The following SCFD2 variants were observed in gnomAD, a reference collection of about 807,000 sequenced individuals.
The protein encoded by SCFD2 is sec1 family domain-containing protein 2.
SCFD2 carries 54 observed loss-of-function variants against 58.9 expected under a neutral mutation model. That is an observed-to-expected ratio of 0.92 (90% CI 0.74 to 1.15). The LOEUF (loss-of-function observed/expected upper bound fraction) is 1.15, where lower values mean the gene tolerates loss of function less well. Among genes scored for constraint, SCFD2 ranks in the 50% most tolerant of loss-of-function variants. The pLI, the probability that SCFD2 is intolerant of heterozygous loss-of-function variation, is 0.00. For synonymous variants in SCFD2, 321 were observed against 335.9 expected, an observed-to-expected ratio of 0.96 and a Z score of 0.49; for missense variants, 805 against 836.6, an observed-to-expected ratio of 0.96 and a Z score of 0.47.
intron 5 of SCFD2, among the ~76,000 whole-genome samples, chr4:52,953,460 A>T (rs1316605487): frequency 2.0e-5 from 3 of 152,184 alleles, no homozygotes; most frequent in Non-Finnish European, 2.9e-5. Flanking sequence ...AGCTATGAAT[A>T]TTCCCGATCT....
At chr4:53,338,428 A>T (rs1733747344) in intron 2 of SCFD2, among the ~76,000 whole-genome samples, 1 of 152,146 alleles carries the variant, frequency 6.6e-6, no homozygotes, top group African/African-American at 2.4e-5. Context: ...CACACATTAC[A>T]GTTCAGCTTC....
At chr4:53,201,805 T>G (rs1360166008) in intron 4 of SCFD2, among the ~76,000 whole-genome samples, 1 of 152,366 alleles carries the variant, frequency 6.6e-6, no homozygotes, top group South Asian at 2.1e-4. Flanking sequence ...ATGTGTTTTT[T>G]GGCTACATAA....
At chr4:53,054,624 G>C (rs1386943277) in intron 5 of SCFD2, among the ~76,000 whole-genome samples, 1 of 149,436 alleles carries the variant, frequency 6.7e-6, no homozygotes, top group Non-Finnish European at 1.5e-5. Context: ...AAAATGATTA[G>C]CTTAGAAAAA....
At chr4:53,364,239 A>G (rs1438415044) in intron 1 of SCFD2, among the ~76,000 whole-genome samples, 1 of 152,146 alleles carries the variant, frequency 6.6e-6, no homozygotes, top group East Asian at 1.9e-4. Flanking sequence ...AAAAACTCAA[A>G]TATACCTATT....
chr4:53,319,174 G>C (rs777807671), intron 2 of SCFD2, among the ~76,000 whole-genome samples: 17 of 152,152 alleles, frequency 1.1e-4, no homozygotes, highest in Non-Finnish European at 2.4e-4. Flanking sequence ...GGACAGGATG[G>C]AATGGAGTGA....
At chr4:53,360,083 G>A (rs1194842071) in intron 1 of SCFD2, among the ~76,000 whole-genome samples, 1 of 152,182 alleles carries the variant, frequency 6.6e-6, no homozygotes, top group Non-Finnish European at 1.5e-5. Flanking sequence ...AAGTAGAGGG[G>A]TTATTTTTAC....
At chr4:52,977,204 G>A (rs965788307) in intron 5 of SCFD2, among the ~76,000 whole-genome samples, 1 of 152,116 alleles carries the variant, frequency 6.6e-6, no homozygotes, top group Non-Finnish European at 1.5e-5. Context: ...CATAACTGAT[G>A]ATTTTTATAA....
At chr4:52,910,968 C>T (rs983843795) in intron 6 of SCFD2, among the ~76,000 whole-genome samples, 2 of 152,088 alleles carry the variant, frequency 1.3e-5, no homozygotes, top group Admixed American at 6.6e-5. Context: ...GTCAATTAAA[C>T]CTCTTTTCTT....
chr4:53,225,342 A>G (rs1729171948), intron 4 of SCFD2, among the ~76,000 whole-genome samples: 1 of 152,100 alleles, frequency 6.6e-6, no homozygotes, highest in African/African-American at 2.4e-5. Flanking sequence ...GGGGTTTTTT[A>G]TTACTAGGAA....
intron 5 of SCFD2, among the ~76,000 whole-genome samples, chr4:53,044,916 C>CCCCCCCCCCCCCCCCCCCCCCCGCCA (rs59844812): frequency 9.1e-6 from 1 of 110,288 alleles, no homozygotes; most frequent in Non-Finnish European, 1.7e-5. Flanking sequence ...ACCCCCCCCC[C>CCCCCCCCCCCCCCCCCCCCCCCGCCA]CCGCCCACAA....
intron 3 of SCFD2, among the ~76,000 whole-genome samples, chr4:53,279,024 T>G (rs1400193622): frequency 6.6e-6 from 1 of 152,102 alleles, no homozygotes; most frequent in African/African-American, 2.4e-5. Flanking sequence ...ATTTCTTAGT[T>G]TATATAAACT....
chr4:53,145,192 G>A (rs1726288609), intron 5 of SCFD2, 141 bp downstream of exon 5: 2 of 1,009,782 alleles, frequency 2.0e-6, no homozygotes, highest in Admixed American at 2.4e-5. Context: ...GCTATAGGCT[G>A]GCTAGCATTC....
chr4:53,195,718 T>C (rs1365537595), intron 4 of SCFD2, among the ~76,000 whole-genome samples: 1 of 152,168 alleles, frequency 6.6e-6, no homozygotes, highest in Non-Finnish European at 1.5e-5. Context: ...CTAAAACCTA[T>C]CAAATTATAG....
At chr4:53,301,102 A>G (rs1279385582) in intron 3 of SCFD2, among the ~76,000 whole-genome samples, 3 of 152,202 alleles carry the variant, frequency 2.0e-5, no homozygotes, top group Non-Finnish European at 4.4e-5. Flanking sequence ...CTAAGATCAG[A>G]GCAGAACTGA....
chr4:53,247,857 G>C (rs1207831648), intron 4 of SCFD2, among the ~76,000 whole-genome samples: 2 of 78,706 alleles, frequency 2.5e-5, no homozygotes, highest in African/African-American at 5.4e-5. Context: ...AACAGAGCGA[G>C]ACTCCGTCTC....
intron 4 of SCFD2, among the ~76,000 whole-genome samples, chr4:53,192,234 T>G (rs561857214): frequency 1.3e-4 from 20 of 152,262 alleles, no homozygotes; most frequent in African/African-American, 4.1e-4. Context: ...CGACTCCCTA[T>G]TGTCTTACAT....
At chr4:53,140,566 G>C (rs924571219) in intron 5 of SCFD2, among the ~76,000 whole-genome samples, 24 of 151,766 alleles carry the variant, frequency 1.6e-4, no homozygotes, top group Non-Finnish European at 2.6e-4. Flanking sequence ...AACTAAAGAG[G>C]ATGCATTCAT....
At chr4:53,056,347 C>T (rs139537185) in intron 5 of SCFD2, among the ~76,000 whole-genome samples, 203 of 152,242 alleles carry the variant, frequency 1.3e-3, no homozygotes, top group African/African-American at 4.6e-3. Flanking sequence ...AAATCCCAAC[C>T]ATTCAGCCTC....
At chr4:53,207,512 A>ACACACACACATAATT (rs745757757) in intron 4 of SCFD2, among the ~76,000 whole-genome samples, 8 of 44,160 alleles carry the variant, frequency 1.8e-4, no homozygotes, top group Admixed American at 9.2e-4. Context: ...TATATTATAT[A>ACACACACACATAATT]TATTATATAT....
Sources: allele counts gnomAD v4.1 joint callset (sites outside exome capture counted in the v4.1 genomes callset), GRCh38; gene constraint gnomAD v4.1.1; transcripts MANE v1.5; gene names NCBI Gene and HGNC (gene_info 2026-07-23, HGNC 2026-07-21).